VWC2L: variants seen among roughly 807,000 people sequenced by gnomAD.
VWC2L encodes von Willebrand factor C domain-containing protein 2-like.
Under a neutral mutation model 21.6 loss-of-function variants are expected in VWC2L, and 10 were observed. That is an observed-to-expected ratio of 0.46 (90% CI 0.29 to 0.78). The LOEUF (loss-of-function observed/expected upper bound fraction) is 0.78. Ranked by LOEUF, VWC2L falls within the 30% of genes least tolerant of loss-of-function variation. The probability of loss-of-function intolerance (pLI) is 0.10; values close to 1 mark genes in which losing one functional copy is unlikely to be tolerated. For synonymous variants in VWC2L, 96 were observed against 94.3 expected (o/e 1.02, Z -0.10); for missense variants, 209 against 277.1 (o/e 0.75, Z 1.74).
chr2:214,436,249 G>A (rs780962261), intron 2 of VWC2L: 1 of 165,868 alleles, frequency 6.0e-6, no homozygotes, highest in Admixed American at 5.9e-5. Flanking sequence ...AATGACAGAT[G>A]GCAAAAATTA....
At position 214,578,127 on chromosome 2, in the gene VWC2L, A is replaced by G. The variant is rs1248497297; in HGVS notation, c.*2307A>G. The G allele has an allele frequency of 6.6e-6, 1 of 152,190 alleles. No individual in the cohort carries two copies. The highest frequency in any genetic ancestry group is 1.5e-5 in the Non-Finnish European group (1 of 68,034). The allele number at this position is 152,190 out of a possible 1,614,324, so 9.4% of individuals were successfully genotyped here. A position where few individuals can be genotyped will look rare whatever the true frequency, so the allele number is the denominator to read the frequency against. On this transcript the variant is annotated 3_prime_UTR_variant, in exon 4 of 4. Coordinates refer to ENST00000312504, the MANE Select transcript of VWC2L (RefSeq NM_001080500.4). The stretch of plus-strand genomic sequence containing the variant: ...CAACTTCAAAAATCCACACTCTTGG[A>G]AAGAAATAATAATAATAAATGACAG...
intron 3 of VWC2L, among the ~76,000 whole-genome samples, chr2:214,476,217 T>C (rs1005525320): frequency 6.6e-6 from 1 of 152,134 alleles, no homozygotes; most frequent in Non-Finnish European, 1.5e-5. Flanking sequence ...CCACAGCCAA[T>C]ATGCAAAAGG....
intron 3 of VWC2L, among the ~76,000 whole-genome samples, chr2:214,574,331 T>C (rs748481008): frequency 9.2e-5 from 14 of 152,196 alleles, no homozygotes; most frequent in Non-Finnish European, 1.8e-4. Flanking sequence ...CACTGGTAAG[T>C]GTATGCACTA....
At chr2:214,505,464 A>G (rs1027940618) in intron 3 of VWC2L, among the ~76,000 whole-genome samples, 1 of 152,112 alleles carries the variant, frequency 6.6e-6, no homozygotes, top group African/African-American at 2.4e-5. Context: ...CCATGTGTTC[A>G]TAACTCCAAG....
intron 3 of VWC2L, among the ~76,000 whole-genome samples, chr2:214,453,570 T>G (rs1703008083): frequency 6.6e-6 from 1 of 152,194 alleles, no homozygotes; most frequent in Non-Finnish European, 1.5e-5. Context: ...TGAGGAAAAT[T>G]AGCATCTTAA....
At chr2:214,421,961 G>T (rs1383864366) in intron 2 of VWC2L, among the ~76,000 whole-genome samples, 1 of 117,016 alleles carries the variant, frequency 8.5e-6, no homozygotes, top group Non-Finnish European at 1.6e-5. Context: ...GCGCGATCTC[G>T]ACTCTGCAAG....
intron 3 of VWC2L, among the ~76,000 whole-genome samples, chr2:214,514,182 A>G (rs1689104320): frequency 6.6e-6 from 1 of 151,306 alleles, no homozygotes; most frequent in African/African-American, 2.4e-5. Flanking sequence ...GTAATCATTT[A>G]CTTAACGTTT....
intron 3 of VWC2L, among the ~76,000 whole-genome samples, chr2:214,567,633 G>T (rs1690088863): frequency 6.7e-6 from 1 of 148,894 alleles, no homozygotes; most frequent in African/African-American, 2.5e-5. Flanking sequence ...AAACATCATA[G>T]CCTTTTACCT....
intron 3 of VWC2L, among the ~76,000 whole-genome samples, chr2:214,550,821 A>T (rs1399326863): frequency 6.6e-6 from 1 of 152,194 alleles, no homozygotes; most frequent in African/African-American, 2.4e-5. Flanking sequence ...ACGTTCAGAA[A>T]TGTTAGTGTC....
rs563653228 is a variant in VWC2L at position 214,547,504 on chromosome 2, TG to T, written c.521-28167del. Among the ~76,000 whole-genome samples, 463 of 152,318 alleles carry T rather than the reference TG, an allele frequency of 3.0e-3. 4 individuals carry two copies. Among genetic ancestry groups the T allele is most frequent in the African/African-American group, 0.01 (427 of 41,576 alleles). On this transcript the variant is annotated intron_variant, in intron 3 of 3. Transcript: ENST00000312504. ...GGTCTGTTATTATTGACATCTGTGT[TG>T]TTGGTGTTTCTGTAGGTGCTCCTTC...
chr2:214,455,272 A>G (rs932768881), intron 3 of VWC2L, among the ~76,000 whole-genome samples: 4 of 152,162 alleles, frequency 2.6e-5, no homozygotes, highest in African/African-American at 9.6e-5. Flanking sequence ...TATAACCATG[A>G]GTTAGCTTTG....
At chr2:214,558,383 C>T (rs1300798911) in intron 3 of VWC2L, among the ~76,000 whole-genome samples, 2 of 152,166 alleles carry the variant, frequency 1.3e-5, no homozygotes, top group Non-Finnish European at 2.9e-5. Flanking sequence ...TTCCCCTATT[C>T]ATCTCTGCTT....
chr2:214,455,372 T>G (rs577248803), intron 3 of VWC2L, among the ~76,000 whole-genome samples: 1 of 152,340 alleles, frequency 6.6e-6, no homozygotes, highest in South Asian at 2.1e-4. Flanking sequence ...CTTAGTAAAC[T>G]TTTAATATTT....
rs1690227011 is a variant in VWC2L, at chr2:214,576,222, T to G, written c.*402T>G. 1 of 152,584 alleles carries G rather than the reference T, an allele frequency of 6.6e-6. No individual in the cohort carries two copies. The highest frequency in any genetic ancestry group is 2.1e-4 in the South Asian group (1 of 4,834). 9.5% of individuals were successfully genotyped at this position (152,584 alleles called of 1,614,324 possible). A position where few individuals can be genotyped will look rare whatever the true frequency, so the allele number is the denominator to read the frequency against. On this transcript the variant is annotated 3_prime_UTR_variant, in exon 4 of 4. Transcript: ENST00000312504. ...TGGCATTGTTCTCCTGTAATATTTG[T>G]TTTTTCACTTTTAGAGTCTAAGGGG...
At chr2:214,456,995 G>A (rs190420789) in intron 3 of VWC2L, among the ~76,000 whole-genome samples, 1 of 152,190 alleles carries the variant, frequency 6.6e-6, no homozygotes, top group Admixed American at 6.5e-5. Flanking sequence ...TTATTTTGAA[G>A]TAGTGTGATG....
intron 3 of VWC2L, among the ~76,000 whole-genome samples, chr2:214,574,695 T>C (rs1690201364): frequency 6.6e-6 from 1 of 152,170 alleles, no homozygotes; most frequent in African/African-American, 2.4e-5. Flanking sequence ...TAATACCAAA[T>C]TGCTTCAAAG....
chr2:214,491,746 T>C (rs1176152344), intron 3 of VWC2L, among the ~76,000 whole-genome samples: 1 of 152,192 alleles, frequency 6.6e-6, no homozygotes, highest in Non-Finnish European at 1.5e-5. Context: ...CCAGTTCCAT[T>C]GCTTCTCAGC....
At chr2:214,422,203 AT>A (rs1477256580) in intron 2 of VWC2L, among the ~76,000 whole-genome samples, 1 of 152,054 alleles carries the variant, frequency 6.6e-6, no homozygotes, top group African/African-American at 2.4e-5. Flanking sequence ...CCTACATCTT[AT>A]TTCATAACAC....
intron 2 of VWC2L, among the ~76,000 whole-genome samples, chr2:214,416,752 T>C (rs1702363201): frequency 6.6e-6 from 1 of 152,104 alleles, no homozygotes; most frequent in South Asian, 2.1e-4. Flanking sequence ...TGATCCATAG[T>C]GGTATTGACC....
Sources: allele counts gnomAD v4.1 joint callset (sites outside exome capture counted in the v4.1 genomes callset), GRCh38; gene constraint gnomAD v4.1.1; transcripts MANE v1.5; gene names NCBI Gene and HGNC (gene_info 2026-07-23, HGNC 2026-07-21).